The following SCGB2B2 variants were observed in gnomAD, a reference collection of about 807,000 sequenced individuals.
SCGB2B2 encodes the protein secretoglobin family 2B member 2, also known as secretoglobin-like protein.
SCGB2B2 carries 11 observed loss-of-function variants against 7.6 expected under a neutral mutation model. The observed-to-expected ratio is 1.45, with a 90% CI of 0.91 to 2.40. The LOEUF is 2.40. Among genes scored for constraint, SCGB2B2 ranks in the 30% most tolerant of loss-of-function variants. The probability of loss-of-function intolerance (pLI) is 0.00; values close to 1 mark genes in which losing one functional copy is unlikely to be tolerated. For synonymous variants in SCGB2B2, 50 were observed against 48.6 expected (o/e 1.03, Z -0.12); for missense variants, 104 against 115.4 (o/e 0.90, Z 0.45).
At chr19:34,639,466 T>C (rs1410123234) in intron 1 of SCGB2B2, among the ~76,000 whole-genome samples, 2 of 152,168 alleles carry the variant, frequency 1.3e-5, no homozygotes, top group Non-Finnish European at 2.9e-5. Context: ...ATACTCAAGA[T>C]CTGGGGACTA....
At chr19:34,657,499 AAAG>A (rs2067313986) in intron 1 of SCGB2B2, among the ~76,000 whole-genome samples, 6 of 151,896 alleles carry the variant, frequency 4.0e-5, no homozygotes, top group Admixed American at 3.9e-4. Flanking sequence ...CAAAAGAGAC[AAAG>A]AAGGCCACTA....
intron 1 of SCGB2B2, among the ~76,000 whole-genome samples, chr19:34,609,550 T>C (rs928804485): frequency 6.6e-6 from 1 of 152,154 alleles, no homozygotes; most frequent in African/African-American, 2.4e-5. Flanking sequence ...TATCCAATTT[T>C]CCCAGCACCA....
rs1309469233 is a variant in SCGB2B2, at chr19:34,592,057, G to C, written c.*1498C>G. Among the ~76,000 whole-genome samples the C allele has an allele frequency of 6.6e-6, 1 of 152,188 alleles. No individual in the cohort carries two copies. Among genetic ancestry groups the C allele is most frequent in the African/African-American group, 2.4e-5 (1 of 41,448 alleles). On this transcript the variant is annotated 3_prime_UTR_variant, in exon 4 of 4. Transcript: ENST00000601241. ...GGATGGGTGATGACTGGGATGGAAAGTGCATTAAATGAGGCCAATTCTGGG... is the reference window on the plus strand; with the variant it reads ...GGATGGGTGATGACTGGGATGGAAACTGCATTAAATGAGGCCAATTCTGGG...
intron 1 of SCGB2B2, among the ~76,000 whole-genome samples, chr19:34,643,382 G>A (rs989325015): frequency 1.3e-5 from 2 of 152,162 alleles, no homozygotes; most frequent in African/African-American, 4.8e-5. Context: ...CCTCATAAAG[G>A]TAGAGAGTAG....
Position 34,591,622 on chromosome 19 carries a change from G to A in SCGB2B2, c.*1933C>T, listed in dbSNP as rs1459990225. Among the ~76,000 whole-genome samples, 3 of 152,300 alleles carry A rather than the reference G, an allele frequency of 2.0e-5. No homozygotes were observed. Among genetic ancestry groups the A allele is most frequent in the Non-Finnish European group, 2.9e-5 (2 of 68,022 alleles). On this transcript the variant is annotated 3_prime_UTR_variant, in exon 4 of 4. Transcript: ENST00000601241. ...TCCTGCGTGACCTGGCACTTGCCTC[G>A]TTTTCTGACGTGACCTCCTTCCCTG...
chr19:34,636,865 C>CT (rs1373663883), intron 1 of SCGB2B2, among the ~76,000 whole-genome samples: 2 of 152,272 alleles, frequency 1.3e-5, no homozygotes, highest in East Asian at 3.9e-4. Flanking sequence ...CCTCCCATAG[C>CT]TTTGTCAGGC....
intron 1 of SCGB2B2, chr19:34,608,682 T>TATATATATATATATATATAC (rs1157933402): frequency 1.4e-5 from 2 of 142,214 alleles, no homozygotes; most frequent in African/African-American, 2.6e-5. Flanking sequence ...TATATATATA[T>TATATATATATATATATATAC]ATACCGTATT....
At chr19:34,597,346 G>A (rs971670941) in intron 1 of SCGB2B2, among the ~76,000 whole-genome samples, 3 of 148,866 alleles carry the variant, frequency 2.0e-5, no homozygotes, top group African/African-American at 5.0e-5. Flanking sequence ...TTCTATGCCA[G>A]GGCCAGGGCA....
intron 1 of SCGB2B2, among the ~76,000 whole-genome samples, chr19:34,614,149 C>G (rs1223692566): frequency 1.3e-5 from 2 of 152,154 alleles, no homozygotes; most frequent in Admixed American, 6.6e-5. Context: ...TGTCCATTCT[C>G]TCTCCAGACT....
At chr19:34,660,479 T>C (rs2067422131) in intron 1 of SCGB2B2, among the ~76,000 whole-genome samples, 1 of 152,178 alleles carries the variant, frequency 6.6e-6, no homozygotes, top group African/African-American at 2.4e-5. Flanking sequence ...GCAAAGGATA[T>C]GACCAGACAC....
intron 1 of SCGB2B2, among the ~76,000 whole-genome samples, chr19:34,600,855 T>G (rs955792295): frequency 6.6e-6 from 1 of 152,136 alleles, no homozygotes; most frequent in East Asian, 1.9e-4. Flanking sequence ...ATGATTTTAA[T>G]AAAAAGAAGT....
chr19:34,629,773 C>T (rs1405115414), intron 1 of SCGB2B2, among the ~76,000 whole-genome samples: 1 of 151,720 alleles, frequency 6.6e-6, no homozygotes, highest in African/African-American at 2.4e-5. Flanking sequence ...AACTAAAGTT[C>T]ATGTGGAAGC....
intron 1 of SCGB2B2, among the ~76,000 whole-genome samples, chr19:34,618,087 C>T (rs1425215470): frequency 2.0e-5 from 3 of 152,196 alleles, no homozygotes; most frequent in Non-Finnish European, 4.4e-5. Context: ...AGAAATCACT[C>T]GTCTTCTGCA....
chr19:34,606,440 G>A (rs933192575), intron 1 of SCGB2B2, among the ~76,000 whole-genome samples: 1 of 152,030 alleles, frequency 6.6e-6, no homozygotes, highest in Non-Finnish European at 1.5e-5. Context: ...GATTAAGGGT[G>A]GGGAGATTAT....
rs1448740563 is a variant in SCGB2B2 at position 34,593,382 on chromosome 19, T to TGGTCACACTCTGCATATGC, written c.*154_*172dup. ...GTCGCATATTTTCACACTGGGACCC[T>TGGTCACACTCTGCATATGC]GGTCACACTCTGCATATGCGGTCAC... On this transcript the variant is annotated 3_prime_UTR_variant, in exon 4 of 4. Coordinates refer to ENST00000601241, the MANE Select transcript of SCGB2B2 (RefSeq NM_001025591.4). 1 of 562,922 alleles carries TGGTCACACTCTGCATATGC rather than the reference T, an allele frequency of 1.8e-6. No homozygotes were observed. The highest frequency in any genetic ancestry group is 3.2e-6 in the Non-Finnish European group (1 of 313,640). The allele number at this position is 562,922 out of a possible 1,614,324, so 34.9% of individuals were successfully genotyped here.
intron 1 of SCGB2B2, among the ~76,000 whole-genome samples, chr19:34,652,611 A>C (rs2067189664): frequency 6.6e-6 from 1 of 151,248 alleles, no homozygotes; most frequent in South Asian, 2.1e-4. Context: ...TAAAATGCTC[A>C]ACATCACTCA....
intron 1 of SCGB2B2, among the ~76,000 whole-genome samples, chr19:34,659,393 T>A (rs2067385390): frequency 6.6e-6 from 1 of 152,198 alleles, no homozygotes; most frequent in Non-Finnish European, 1.5e-5. Context: ...GAAAACCTCA[T>A]CGTTTCAGCC....
Position 34,592,748 on chromosome 19 carries a change from CCT to C in SCGB2B2, c.*805_*806del, listed in dbSNP as rs996919116. Among the ~76,000 whole-genome samples the C allele has an allele frequency of 1.2e-4, 18 of 152,276 alleles. No homozygotes were observed. The highest frequency in any genetic ancestry group is 6.8e-3 in the Middle Eastern group (2 of 294). ...CCCTGTGACCTCAATGTCAATGTCC[CCT>C]GTCATGGTGACATGGCCACACAGAC... is the stretch of plus-strand genomic sequence containing the variant. On this transcript the variant is annotated 3_prime_UTR_variant, in exon 4 of 4. Transcript: ENST00000601241.
At chr19:34,598,602 G>C (rs1392755657) in intron 1 of SCGB2B2, among the ~76,000 whole-genome samples, 4 of 152,212 alleles carry the variant, frequency 2.6e-5, no homozygotes, top group Non-Finnish European at 5.9e-5. Context: ...GGGATAGGGA[G>C]GGTAGGGGCA....
Sources: gnomAD v4.1 joint callset for allele counts (sites outside exome capture counted in the v4.1 genomes callset) on GRCh38, gnomAD v4.1.1 for gene constraint, MANE v1.5 for transcripts, NCBI Gene and HGNC (gene_info 2026-07-23, HGNC 2026-07-21) for gene names.